The following SOCS2 variants were observed in gnomAD, a reference collection of about 807,000 sequenced individuals.
SOCS2 encodes the protein suppressor of cytokine signaling 2.
In SOCS2, 10 loss-of-function variants were observed where a neutral mutation model predicts 18.6. The ratio of observed to expected loss-of-function variants is 0.54; its 90% CI spans 0.33 to 0.91. SOCS2 has a LOEUF of 0.91. Ranked by LOEUF, SOCS2 falls within the 40% of genes least tolerant of loss-of-function variation. The probability of loss-of-function intolerance (pLI) is 0.02; values close to 1 mark genes in which losing one functional copy is unlikely to be tolerated. For synonymous variants in SOCS2, 104 were observed against 104.0 expected (o/e 1.00, Z 0.00); for missense variants, 231 against 247.2 (o/e 0.93, Z 0.44).
At chr12:93,591,939 G>C in the SOCS2 span, among the ~76,000 whole-genome samples, 1 of 152,180 alleles carries the variant, frequency 6.6e-6, no homozygotes, top group Non-Finnish European at 1.5e-5. Context: ...TCCCAGATAA[G>C]AGCATCCCTT....
chr12:93,619,834 C>T, the SOCS2 span, among the ~76,000 whole-genome samples: 1 of 152,188 alleles, frequency 6.6e-6, no homozygotes, highest in Non-Finnish European at 1.5e-5. Context: ...TGCCTAAATC[C>T]CAGTTAACTT....
the SOCS2 span, among the ~76,000 whole-genome samples, chr12:93,606,114 A>T: frequency 2.6e-5 from 4 of 152,176 alleles, no homozygotes; most frequent in African/African-American, 4.8e-5. Context: ...CTCATGACCC[A>T]AAATGGCTCT....
chr12:93,616,953 C>T, the SOCS2 span, among the ~76,000 whole-genome samples: 1 of 152,128 alleles, frequency 6.6e-6, no homozygotes, highest in African/African-American at 2.4e-5. Flanking sequence ...TATTGTTAAC[C>T]TCTCATGACT....
chr12:93,598,020 T>C, the SOCS2 span, among the ~76,000 whole-genome samples: 1 of 152,240 alleles, frequency 6.6e-6, no homozygotes, highest in African/African-American at 2.4e-5. Flanking sequence ...GGCAAATCTT[T>C]TGTTCTAAAT....
chr12:93,571,924 C>T (rs1228542891), upstream of SOCS2: 3 of 425,110 alleles, frequency 7.1e-6, no homozygotes, highest in East Asian at 9.8e-5. Context: ...GGTAAGAGCG[C>T]GGCGTTGGTG....
Position 93,575,100 on chromosome 12 carries a change from A to G in SOCS2, c.518A>G (p.Lys173Arg). The G allele has an allele frequency of 6.2e-7, 1 of 1,611,136 alleles. No homozygotes were observed. The highest frequency in any genetic ancestry group is 8.5e-7 in the Non-Finnish European group (1 of 1,179,106). ...LQHLCRLTIN[K>R]CTGAIWGLPL... is the part of the protein sequence containing the mutation. ...CATCTCTGTAGGCTCACCATTAACA[A>G]ATGTACCGGTGCCATCTGGGGACTG... The change falls in exon 2 of 2, where the codon AAA becomes AGA. Residue 173 changes from lysine (K) to arginine (R), a missense_variant. Physicochemically the swap from Lys to Arg is conservative, Grantham distance 26 (BLOSUM62 2). Transcript: ENST00000551556.
chr12:93,583,919 T>C (rs1954567912), downstream of SOCS2, among the ~76,000 whole-genome samples: 1 of 152,252 alleles, frequency 6.6e-6, no homozygotes, highest in African/African-American at 2.4e-5. Flanking sequence ...GATTTAATAG[T>C]GTCGAAAGAC....
chr12:93,623,952 C>T, the SOCS2 span, among the ~76,000 whole-genome samples: 1 of 152,134 alleles, frequency 6.6e-6, no homozygotes, highest in Non-Finnish European at 1.5e-5. Context: ...TGATCACCCA[C>T]GTCAGCCTCC....
At chr12:93,609,522 TTAA>T in the SOCS2 span, among the ~76,000 whole-genome samples, 8 of 151,716 alleles carry the variant, frequency 5.3e-5, no homozygotes, top group Non-Finnish European at 8.8e-5. Context: ...AAATATTACC[TTAA>T]TAATAATTAT....
At chr12:93,586,094 C>T (rs1263540494), downstream of SOCS2, among the ~76,000 whole-genome samples, 2 of 151,808 alleles carry the variant, frequency 1.3e-5, no homozygotes, top group South Asian at 2.1e-4. Flanking sequence ...TGGTTGGATC[C>T]GTGGATGGGA....
the SOCS2 span, among the ~76,000 whole-genome samples, chr12:93,614,629 T>A: frequency 7.5e-6 from 1 of 133,722 alleles, no homozygotes; most frequent in Admixed American, 8.1e-5. Context: ...CTTTCTTTCT[T>A]TCTTTTGATG....
At chr12:93,612,364 T>C in the SOCS2 span, among the ~76,000 whole-genome samples, 1 of 150,710 alleles carries the variant, frequency 6.6e-6, no homozygotes. Flanking sequence ...CCATTGTACT[T>C]TTTTTTTTTC....
the SOCS2 span, among the ~76,000 whole-genome samples, chr12:93,600,879 C>T: frequency 2.6e-5 from 4 of 151,582 alleles, no homozygotes; most frequent in Non-Finnish European, 5.9e-5. Flanking sequence ...GACTTAACCT[C>T]CTGGGCTCAA....
At chr12:93,623,979 C>T in the SOCS2 span, among the ~76,000 whole-genome samples, 1 of 152,182 alleles carries the variant, frequency 6.6e-6, no homozygotes, top group Non-Finnish European at 1.5e-5. Flanking sequence ...GCTGGGATTA[C>T]AGGTGTGAGC....
chr12:93,602,259 T>A, the SOCS2 span, among the ~76,000 whole-genome samples: 36,982 of 151,854 alleles, frequency 0.24, 4,509 homozygotes, highest in Admixed American at 0.27. Context: ...CTAACTTTTT[T>A]AAAAATTTTT....
At chr12:93,613,079 A>G in the SOCS2 span, among the ~76,000 whole-genome samples, 5 of 152,338 alleles carry the variant, frequency 3.3e-5, no homozygotes, top group African/African-American at 7.2e-5. Flanking sequence ...ACTTCTTTCT[A>G]TCAGAGCCTG....
At chr12:93,577,479 G>A (rs1565843440), downstream of SOCS2, among the ~76,000 whole-genome samples, 1 of 150,270 alleles carries the variant, frequency 6.7e-6, no homozygotes, top group African/African-American at 2.4e-5. Context: ...TTCCCCTCCT[G>A]ATTTGTGAGT....
intron 1 of SOCS2, among the ~76,000 whole-genome samples, chr12:93,582,614 G>A (rs534571987): frequency 5.3e-5 from 8 of 152,226 alleles, no homozygotes; most frequent in African/African-American, 1.4e-4. Context: ...TTTGAGGAGC[G>A]GCTTCCACTT....
At chr12:93,603,057 GCCGAA>G in the SOCS2 span, among the ~76,000 whole-genome samples, 1 of 152,180 alleles carries the variant, frequency 6.6e-6, no homozygotes, top group Non-Finnish European at 1.5e-5. Flanking sequence ...TTAGTCCACT[GCCGAA>G]CCTTGGTCCG....
Sources: gnomAD v4.1 joint callset for allele counts (sites outside exome capture counted in the v4.1 genomes callset) on GRCh38, gnomAD v4.1.1 for gene constraint, MANE v1.5 for transcripts, NCBI Gene and HGNC (gene_info 2026-07-23, HGNC 2026-07-21) for gene names.